The following ITGB1 variants were observed in gnomAD, a reference collection of about 807,000 sequenced individuals.
ITGB1 encodes the protein integrin beta-1.
In ITGB1, 24 loss-of-function variants were observed where a neutral mutation model predicts 86.5. The observed-to-expected ratio is 0.28, with a 90% CI of 0.20 to 0.39. The LOEUF is 0.39. ITGB1 is among the 10% of genes least tolerant of loss of function. The pLI, the probability that ITGB1 is intolerant of heterozygous loss-of-function variation, is 1.00. For missense variants in ITGB1, 556 were observed against 946.9 expected (o/e 0.59, Z 5.42); for synonymous variants, 323 against 316.8 (o/e 1.02, Z -0.21).
chr10:32,955,166 T>C (rs1456576113), intron 1 of ITGB1, among the ~76,000 whole-genome samples: 5 of 152,204 alleles, frequency 3.3e-5, no homozygotes, highest in Admixed American at 2.6e-4. Flanking sequence ...TTTCTGTATC[T>C]TAACGTCTCT....
At chr10:32,927,020 A>G (rs1241515597) in intron 5 of ITGB1, among the ~76,000 whole-genome samples, 1 of 152,200 alleles carries the variant, frequency 6.6e-6, no homozygotes, top group Non-Finnish European at 1.5e-5. Context: ...CCCTACTTTA[A>G]AAATAACTCA....
At chr10:32,957,048 T>C (rs1166613837) in intron 1 of ITGB1, among the ~76,000 whole-genome samples, 1 of 152,088 alleles carries the variant, frequency 6.6e-6, no homozygotes, top group Non-Finnish European at 1.5e-5. Context: ...ACTCGGAAAA[T>C]GGGAATCGAA....
intron 4 of ITGB1, among the ~76,000 whole-genome samples, 161 bp downstream of exon 4, chr10:32,929,661 T>C (rs956217090): frequency 1.3e-5 from 2 of 152,236 alleles, no homozygotes; most frequent in Admixed American, 6.5e-5. Context: ...ACAATTGTTA[T>C]ATCTGCAAAA....
chr10:32,911,792 T>A, intron 12 of ITGB1, 94 bp downstream of exon 12: 1 of 1,420,248 alleles, frequency 7.0e-7, no homozygotes, highest in Non-Finnish European at 9.8e-7. Context: ...ACCCTCAAGC[T>A]ACCCCTTTTC....
intron 2 of ITGB1, among the ~76,000 whole-genome samples, chr10:32,934,178 G>A (rs773931940): frequency 6.6e-6 from 1 of 152,120 alleles, no homozygotes; most frequent in Non-Finnish European, 1.5e-5. Context: ...GTAATATACA[G>A]TTGACCCTCT....
At chr10:32,903,343 C>T (rs866248797) in intron 15 of ITGB1, among the ~76,000 whole-genome samples, 1 of 90,838 alleles carries the variant, frequency 1.1e-5, no homozygotes, top group East Asian at 2.5e-4. Flanking sequence ...AAGAGCAAGA[C>T]TCCATCTCAA....
Position 32,947,226 on chromosome 10 carries a change from A to G in ITGB1, c.-1+10919T>C, listed in dbSNP as rs145295277. Reference sequence around the variant, plus strand: ...TTTGTAAAAATGTTGTGAACTCCCAAACTTATAGATTATCACTAGGTTATG... The same window carrying G: ...TTTGTAAAAATGTTGTGAACTCCCAGACTTATAGATTATCACTAGGTTATG... On this transcript the variant is annotated intron_variant, in intron 1 of 15. Coordinates refer to ENST00000302278, the MANE Select transcript of ITGB1 (RefSeq NM_002211.4). 2.8e-4 allele frequency among the ~76,000 whole-genome samples: 42 copies of G among 152,228 alleles called. No homozygotes were observed. In the East Asian group the frequency reaches 6.8e-3, roughly 24 times the overall value.
At chr10:32,925,647 C>T (rs930259486) in intron 6 of ITGB1, among the ~76,000 whole-genome samples, 5 of 152,102 alleles carry the variant, frequency 3.3e-5, no homozygotes, top group African/African-American at 9.7e-5. Flanking sequence ...TTTAAAAGCC[C>T]GCATGAATAA....
At chr10:32,934,938 A>C (rs1163426113) in intron 2 of ITGB1, among the ~76,000 whole-genome samples, 2 of 152,144 alleles carry the variant, frequency 1.3e-5, no homozygotes, top group Non-Finnish European at 2.9e-5. Context: ...GAACTGCTCT[A>C]TGCAGTGTAG....
intron 6 of ITGB1, among the ~76,000 whole-genome samples, chr10:32,925,555 A>G (rs2094961970): frequency 6.6e-6 from 1 of 152,204 alleles, no homozygotes; most frequent in Non-Finnish European, 1.5e-5. Flanking sequence ...AAGTTAGGAC[A>G]CATGGGCTTT....
intron 15 of ITGB1, chr10:32,906,494 G>A: frequency 4.4e-6 from 1 of 226,188 alleles, no homozygotes. Flanking sequence ...GGAGGCTGAG[G>A]CAGGAGAATT....
At chr10:32,929,351 C>T (rs1403960204) in intron 4 of ITGB1, among the ~76,000 whole-genome samples, 2 of 152,112 alleles carry the variant, frequency 1.3e-5, no homozygotes, top group Non-Finnish European at 2.9e-5. Flanking sequence ...TACCATTCTC[C>T]TGACAAGAAA....
At chr10:32,903,701 A>G (rs931413684) in intron 15 of ITGB1, among the ~76,000 whole-genome samples, 4 of 152,188 alleles carry the variant, frequency 2.6e-5, no homozygotes, top group African/African-American at 9.7e-5. Context: ...TATAATGTGG[A>G]TGACAAAACT....
intron 12 of ITGB1, 95 bp from the exon 13 acceptor site, chr10:32,911,765 A>G: frequency 3.4e-6 from 5 of 1,455,882 alleles, no homozygotes; most frequent in Non-Finnish European, 4.8e-6. Flanking sequence ...GAGAAAGTAT[A>G]CCTAGGGGCG....
chr10:32,938,748 G>GTA (rs2095010483), intron 1 of ITGB1, among the ~76,000 whole-genome samples: 1 of 152,210 alleles, frequency 6.6e-6, no homozygotes, highest in Non-Finnish European at 1.5e-5. Context: ...GAAACAGAGA[G>GTA]GCACTGCCAT....
intron 1 of ITGB1, among the ~76,000 whole-genome samples, chr10:32,937,578 A>G (rs972775732): frequency 2.0e-5 from 3 of 146,426 alleles, no homozygotes; most frequent in African/African-American, 7.5e-5. Flanking sequence ...AAAAAAAAAA[A>G]GAGTTACAAA....
intron 11 of ITGB1, among the ~76,000 whole-genome samples, chr10:32,916,831 G>GA (rs1352138097): frequency 3.9e-5 from 6 of 152,086 alleles, no homozygotes; most frequent in South Asian, 2.1e-4. Flanking sequence ...CATAGAATTG[G>GA]AAAAAACTAC....
At chr10:32,923,563 A>C (rs2094956208) in intron 7 of ITGB1, 22 bp downstream of exon 7, 6 of 1,593,958 alleles carry the variant, frequency 3.8e-6, no homozygotes, top group East Asian at 4.5e-5. Context: ...CACATTCACT[A>C]TGTAAGGAAC....
rs571657526 is a variant in ITGB1, at chr10:32,919,782, T to G, written c.1469+103A>C. 3 of 966,272 alleles carry G rather than the reference T, an allele frequency of 3.1e-6. No homozygotes were observed. The African/African-American group carries it at 4.9e-5, about 16-fold the overall frequency. 59.9% of individuals were successfully genotyped at this position (966,272 alleles called of 1,614,324 possible). A position where few individuals can be genotyped will look rare whatever the true frequency, so the allele number is the denominator to read the frequency against. On this transcript the variant is annotated intron_variant, in intron 11 of 15. Transcript: ENST00000302278. Reference sequence around the variant, plus strand: ...AGCAACCGTGGTTGGAAAAAATAATTTGCTCCAAATAGAGAGATATTCTCT... The same window carrying G: ...AGCAACCGTGGTTGGAAAAAATAATGTGCTCCAAATAGAGAGATATTCTCT...
Sources: gnomAD v4.1 joint callset for allele counts (sites outside exome capture counted in the v4.1 genomes callset) on GRCh38, gnomAD v4.1.1 for gene constraint, MANE v1.5 for transcripts, NCBI Gene and HGNC (gene_info 2026-07-23, HGNC 2026-07-21) for gene names.